Variants in DAAM1 observed in about 807,000 individuals in gnomAD.
DAAM1 encodes the protein disheveled-associated activator of morphogenesis 1.
A neutral mutation model predicts 130.0 loss-of-function variants in DAAM1; 52 were observed. The observed-to-expected ratio is 0.40, with a 90% confidence interval of 0.32 to 0.50. The LOEUF is 0.50. Among genes scored for constraint, DAAM1 ranks in the 20% least tolerant of loss-of-function variants. The probability of loss-of-function intolerance (pLI) is 0.61; values close to 1 mark genes in which losing one functional copy is unlikely to be tolerated. For missense variants in DAAM1, 1,134 were observed against 1,303.8 expected (o/e 0.87, Z 2.01); for synonymous variants, 452 against 444.5 (o/e 1.02, Z -0.21).
chr14:59,331,992 A>C, intron 15 of DAAM1, 72 bp downstream of exon 15: 1 of 1,323,432 alleles, frequency 7.6e-7, no homozygotes, highest in Non-Finnish European at 1.1e-6. Flanking sequence ...CTGGCCCATC[A>C]GCCATGGCCG....
In DAAM1 at chr14:59,347,553, A is replaced by G. The variant is rs1398345746; in HGVS notation, c.2090A>G (p.Asn697Ser). The G allele has an allele frequency of 1.2e-5, 20 of 1,613,686 alleles. No individual in the cohort carries two copies. The highest frequency in any genetic ancestry group is 8.9e-5 in the East Asian group (4 of 44,838). ...NILLSRLKLS[N>S]DEIKRAILTM... ...TCTTTCTCCAGGTTGAAATTATCCA[A>G]TGACGAAATCAAACGGGCAATTCTA... The change falls in exon 17 of 25, where the codon AAT becomes AGT. Residue 697 changes from asparagine to serine, a missense_variant. Transcript: ENST00000360909.
chr14:59,356,861 T>A (rs905829782), intron 20 of DAAM1, among the ~76,000 whole-genome samples: 10 of 152,250 alleles, frequency 6.6e-5, no homozygotes, highest in African/African-American at 2.4e-4. Context: ...ATCTTTCTGT[T>A]TCCTCTTTTT....
intron 16 of DAAM1, among the ~76,000 whole-genome samples, chr14:59,345,660 C>T (rs964732138): frequency 1.3e-5 from 2 of 152,146 alleles, no homozygotes; most frequent in Non-Finnish European, 2.9e-5. Context: ...TTCTTTGCTG[C>T]CTTTGAGTGC....
At chr14:59,227,007 C>T (rs1382029212) in intron 1 of DAAM1, among the ~76,000 whole-genome samples, 2 of 152,194 alleles carry the variant, frequency 1.3e-5, no homozygotes, top group Non-Finnish European at 2.9e-5. Context: ...TTTTCCCCCA[C>T]CTTGTTTTCT....
intron 1 of DAAM1, among the ~76,000 whole-genome samples, chr14:59,192,027 G>A (rs989236411): frequency 2.0e-5 from 3 of 152,152 alleles, no homozygotes; most frequent in Admixed American, 6.5e-5. Flanking sequence ...GAGGAGGTGT[G>A]ATAATGAAGA....
chr14:59,291,136 TC>T (rs1222975367), intron 2 of DAAM1, 80 bp from the exon 3 acceptor site: 3 of 1,166,484 alleles, frequency 2.6e-6, no homozygotes, highest in Non-Finnish European at 3.5e-6. Flanking sequence ...TTGTTTTTTT[TC>T]TTCCTTGATG....
intron 12 of DAAM1, 144 bp downstream of exon 12, chr14:59,327,135 C>A (rs1885234822): frequency 3.7e-6 from 3 of 800,662 alleles, no homozygotes; most frequent in African/African-American, 3.5e-5. Context: ...GGGCATTTTG[C>A]ACTGAGTTTC....
At chr14:59,317,393 C>T (rs142599832) in intron 4 of DAAM1, among the ~76,000 whole-genome samples, 6 of 152,290 alleles carry the variant, frequency 3.9e-5, no homozygotes, top group African/African-American at 9.6e-5. Context: ...TTGCCACCAC[C>T]GCCTTGCATA....
At chr14:59,355,768 G>A (rs945865653) in intron 20 of DAAM1, among the ~76,000 whole-genome samples, 2 of 152,026 alleles carry the variant, frequency 1.3e-5, no homozygotes, top group African/African-American at 4.8e-5. Context: ...ACCAGCACTC[G>A]ACATCTCCCC....
At chr14:59,241,384 T>G (rs1881106736) in intron 1 of DAAM1, among the ~76,000 whole-genome samples, 1 of 152,256 alleles carries the variant, frequency 6.6e-6, no homozygotes, top group Non-Finnish European at 1.5e-5. Flanking sequence ...GTGGGACCTC[T>G]TTCCGAATTA....
rs1359307833 is a variant in DAAM1, at chr14:59,369,517, A to G, written c.*658A>G. The G allele has an allele frequency of 2.6e-5, 4 of 152,476 alleles. No homozygotes were observed. The highest frequency in any genetic ancestry group is 4.4e-5 in the Non-Finnish European group (3 of 67,980). The allele number at this position is 152,476 out of a possible 1,614,324, so 9.4% of individuals were successfully genotyped here. Reference sequence around the variant, plus strand: ...TGTCAATCAAGTTTTTGTATATTTAAAAGTTGGACATCAATTTTTTCCCCT... The same window carrying G: ...TGTCAATCAAGTTTTTGTATATTTAGAAGTTGGACATCAATTTTTTCCCCT... On this transcript the variant is annotated 3_prime_UTR_variant, in exon 25 of 25. Coordinates refer to ENST00000360909, the MANE Select transcript of DAAM1 (RefSeq NM_001270520.2).
intron 2 of DAAM1, among the ~76,000 whole-genome samples, chr14:59,285,750 A>G (rs1283615274): frequency 1.3e-5 from 2 of 152,328 alleles, no homozygotes; most frequent in East Asian, 3.9e-4. Flanking sequence ...CATACCCAAT[A>G]TTGGAGCACC....
At chr14:59,298,952 G>A (rs1473034462) in intron 3 of DAAM1, among the ~76,000 whole-genome samples, 1 of 152,202 alleles carries the variant, frequency 6.6e-6, no homozygotes, top group Non-Finnish European at 1.5e-5. Flanking sequence ...CGAGGCAGCA[G>A]TAAGTAAATG....
At chr14:59,354,109 G>A in intron 19 of DAAM1, 145 bp downstream of exon 19, 1 of 748,610 alleles carries the variant, frequency 1.3e-6, no homozygotes, top group Non-Finnish European at 2.2e-6. Context: ...TGCCCAGGCT[G>A]GAGTGCAGTA....
chr14:59,291,916 A>T (rs767919300), intron 3 of DAAM1, among the ~76,000 whole-genome samples: 2 of 152,130 alleles, frequency 1.3e-5, no homozygotes, highest in Non-Finnish European at 2.9e-5. Context: ...CCCATTTAAG[A>T]TCTAGGGGTT....
chr14:59,263,554 T>C lies in DAAM1; in HGVS notation c.77T>C (p.Ile26Thr). 1 of 1,614,096 alleles carries C rather than the reference T, an allele frequency of 6.2e-7. No homozygotes were observed. The highest frequency in any genetic ancestry group is 8.5e-7 in the Non-Finnish European group (1 of 1,180,024). ...TTCCGAAATAATGATCACCCAGAAA[T>C]CACGTATCGGCTGCGAAATGATAGC... ...CCFRNNDHPE[I>T]TYRLRNDSNF... is the part of the protein sequence containing the mutation. The change falls in exon 2 of 25, where the codon ATC becomes ACC. Residue 26 changes from isoleucine (I) to threonine (T), a missense_variant. This residue lies in a region of DAAM1 where 99 missense variants were observed against 86.4 expected (regional missense o/e 1.15). Coordinates refer to ENST00000360909, the MANE Select transcript of DAAM1 (RefSeq NM_001270520.2).
At chr14:59,336,837 T>C (rs1287965499) in intron 15 of DAAM1, among the ~76,000 whole-genome samples, 3 of 152,146 alleles carry the variant, frequency 2.0e-5, no homozygotes. Flanking sequence ...AGCTCATACA[T>C]ATGTGTCAGA....
intron 4 of DAAM1, 80 bp downstream of exon 4, chr14:59,315,431 G>T: frequency 1.5e-6 from 2 of 1,323,032 alleles, no homozygotes; most frequent in East Asian, 2.3e-5. Flanking sequence ...CAATAAATTC[G>T]ATTGAGTATG....
In DAAM1 at chr14:59,325,974, A is replaced by G; in HGVS notation, c.1071A>G (p.Thr357=). ...AKRFELVHID[T]KSATQMFELT... ...CTGTGAAATAGGTTCACATAGACAC[A>G]AAAAGTGCAACTCAGATGTTTGAGC... The change falls in exon 10 of 25, where the codon ACA becomes ACG. Residue 357 remains threonine, a synonymous_variant. Coordinates refer to ENST00000360909, the MANE Select transcript of DAAM1 (RefSeq NM_001270520.2). 6.2e-7 allele frequency: 1 copy of G among 1,614,160 alleles called. No homozygotes were observed. Among genetic ancestry groups the G allele is most frequent in the Non-Finnish European group, 8.5e-7 (1 of 1,179,980 alleles).
Sources: allele counts gnomAD v4.1 joint callset (sites outside exome capture counted in the v4.1 genomes callset), GRCh38; gene constraint gnomAD v4.1.1; regional missense constraint gnomAD v4.1.1; transcripts MANE v1.5; gene names NCBI Gene and HGNC (gene_info 2026-07-23, HGNC 2026-07-21).